LRRTM4: variants seen among roughly 807,000 people sequenced by gnomAD.
LRRTM4 encodes leucine-rich repeat transmembrane neuronal protein 4.
A neutral mutation model predicts 47.6 loss-of-function variants in LRRTM4; 25 were observed. The observed-to-expected ratio is 0.53, with a 90% CI of 0.38 to 0.73. LRRTM4 has a LOEUF of 0.73. LRRTM4 is among the 30% of genes least tolerant of loss of function. The probability of loss-of-function intolerance (pLI) is 0.00; values close to 1 mark genes in which losing one functional copy is unlikely to be tolerated. For missense variants in LRRTM4, 638 were observed against 713.4 expected (o/e 0.89, Z 1.20); for synonymous variants, 311 against 269.5 (o/e 1.15, Z -1.51).
intron 3 of LRRTM4, among the ~76,000 whole-genome samples, chr2:77,162,160 C>T (rs184612911): frequency 5.5e-4 from 84 of 152,292 alleles, no homozygotes; most frequent in Middle Eastern, 3.4e-3. Context: ...CAAATGGCAC[C>T]CCAGGAGATT....
chr2:77,167,216 G>A (rs966211517), intron 3 of LRRTM4, among the ~76,000 whole-genome samples: 8 of 152,112 alleles, frequency 5.3e-5, no homozygotes, highest in South Asian at 2.1e-4. Flanking sequence ...CATCATCACC[G>A]GCCATCAGAC....
intron 3 of LRRTM4, among the ~76,000 whole-genome samples, chr2:77,003,666 T>C (rs888083578): frequency 2.6e-5 from 4 of 152,206 alleles, no homozygotes; most frequent in Admixed American, 1.3e-4. Flanking sequence ...GTCTCAGGTA[T>C]GTCTTTATTA....
rs182276077 is a variant in LRRTM4, at chr2:77,460,878, G to C, written c.1551+57440C>G. On this transcript the variant is annotated intron_variant, in intron 3 of 3. Coordinates refer to ENST00000409884, the MANE Select transcript of LRRTM4 (RefSeq NM_001134745.3). ...AAGGCAGGTGCATGTCAGTCATCTG[G>C]TGTGACACTGGGAATTGCAAGCCAT... Among the ~76,000 whole-genome samples, 193 of 152,154 alleles carry C rather than the reference G, an allele frequency of 1.3e-3. 1 individual carries two copies. In the Middle Eastern group the frequency reaches 0.014, roughly 11 times the overall value.
chr2:76,985,260 T>C (rs1484251228), intron 3 of LRRTM4, among the ~76,000 whole-genome samples: 1 of 152,036 alleles, frequency 6.6e-6, no homozygotes, highest in Non-Finnish European at 1.5e-5. Context: ...GTAAAAGTTG[T>C]TTATATTTAA....
At chr2:77,115,374 G>A (rs768032384) in intron 3 of LRRTM4, among the ~76,000 whole-genome samples, 9 of 152,138 alleles carry the variant, frequency 5.9e-5, no homozygotes, top group East Asian at 3.9e-4. Flanking sequence ...CATATTGTTC[G>A]AACACACATG....
chr2:77,247,246 T>C (rs1167290899), intron 3 of LRRTM4, among the ~76,000 whole-genome samples: 1 of 152,082 alleles, frequency 6.6e-6, no homozygotes, highest in Non-Finnish European at 1.5e-5. Context: ...AAGATATGAA[T>C]AACTATACAA....
chr2:76,905,145 G>C (rs1196451264), intron 3 of LRRTM4, among the ~76,000 whole-genome samples: 1 of 152,100 alleles, frequency 6.6e-6, no homozygotes, highest in Non-Finnish European at 1.5e-5. Context: ...ACTCCTCTGA[G>C]ACAAAACTTC....
chr2:76,792,332 C>T (rs562875805), intron 3 of LRRTM4, among the ~76,000 whole-genome samples: 2 of 151,990 alleles, frequency 1.3e-5, no homozygotes, highest in African/African-American at 4.8e-5. Context: ...TAAATACCAA[C>T]CCCCAGAGAC....
chr2:77,289,427 C>T lies in LRRTM4; in HGVS notation c.1551+228891G>A, dbSNP rs1300231028. 2.6e-5 allele frequency among the ~76,000 whole-genome samples: 4 copies of T among 152,066 alleles called. No homozygotes were observed. The South Asian group carries it at 8.3e-4, about 31-fold the overall frequency. On this transcript the variant is annotated intron_variant, in intron 3 of 3. Coordinates refer to ENST00000409884, the MANE Select transcript of LRRTM4 (RefSeq NM_001134745.3). ...CTTGAATTGAAACATCCATGCATGC[C>T]TTATATGCTGTACAATTACCAGAAT...
chr2:77,362,158 A>AAGGAAGGAAGGAAGGAAGGAAGG (rs1558707399), intron 3 of LRRTM4, among the ~76,000 whole-genome samples: 7 of 136,544 alleles, frequency 5.1e-5, no homozygotes, highest in African/African-American at 1.7e-4. Context: ...AGAAAGAAAG[A>AAGGAAGGAAGGAAGGAAGGAAGG]AAGAAAGAAA....
chr2:77,051,581 G>A (rs187973104), intron 3 of LRRTM4, among the ~76,000 whole-genome samples: 2 of 152,152 alleles, frequency 1.3e-5, no homozygotes, highest in Admixed American at 6.5e-5. Context: ...CTAGCCATGT[G>A]TGTGAGTGTG....
intron 3 of LRRTM4, among the ~76,000 whole-genome samples, chr2:76,991,768 C>T (rs72823158): frequency 0.029 from 4,394 of 151,728 alleles, 119 homozygotes; most frequent in East Asian, 0.082. Flanking sequence ...AGGAGGGCTC[C>T]TCCCTAAATC....
At position 77,069,599 on chromosome 2, in the gene LRRTM4, C is replaced by T. The variant is rs935568242; in HGVS notation, c.1552-320683G>A. Among the ~76,000 whole-genome samples the T allele has an allele frequency of 2.0e-5, 3 of 152,208 alleles. No homozygotes were observed. In the South Asian group the frequency reaches 6.2e-4, roughly 32 times the overall value. On this transcript the variant is annotated intron_variant, in intron 3 of 3. Transcript: ENST00000409884. The stretch of plus-strand genomic sequence containing the variant: ...GGTATATTCTGGTGTCCTATTACTT[C>T]GTGGGGGTAATGTTGGTAGCTTGTG...
At position 77,420,761 on chromosome 2, in the gene LRRTM4, T is replaced by G. The variant is rs1360111094; in HGVS notation, c.1551+97557A>C. On this transcript the variant is annotated intron_variant, in intron 3 of 3. Coordinates refer to ENST00000409884, the MANE Select transcript of LRRTM4 (RefSeq NM_001134745.3). ...AGTGCTCATTAGTCTTAAGGCCCTT[T>G]CAGTGGACAAAATGGGAATGTATAT... 6.8e-5 allele frequency among the ~76,000 whole-genome samples: 10 copies of G among 146,786 alleles called. No individual in the cohort carries two copies. The South Asian group carries it at 1.1e-3, about 16-fold the overall frequency.
intron 3 of LRRTM4, among the ~76,000 whole-genome samples, chr2:76,769,969 G>C (rs775624542): frequency 3.9e-4 from 59 of 152,078 alleles, no homozygotes; most frequent in Non-Finnish European, 7.8e-4. Flanking sequence ...CCCCATCCCA[G>C]ACCTACTCGA....
At chr2:77,307,368 G>A (rs923134471) in intron 3 of LRRTM4, among the ~76,000 whole-genome samples, 25 of 150,708 alleles carry the variant, frequency 1.7e-4, no homozygotes, top group African/African-American at 6.1e-4. Context: ...CATATTTCAG[G>A]AATTCACACA....
chr2:77,376,228 A>G (rs193095019), intron 3 of LRRTM4, among the ~76,000 whole-genome samples: 1 of 151,876 alleles, frequency 6.6e-6, no homozygotes, highest in East Asian at 1.9e-4. Context: ...TTATATTAGA[A>G]TAGTTTTGGA....
At chr2:77,121,417 G>A (rs1369022463) in intron 3 of LRRTM4, among the ~76,000 whole-genome samples, 2 of 151,590 alleles carry the variant, frequency 1.3e-5, no homozygotes, top group Non-Finnish European at 3.0e-5. Flanking sequence ...TCATTTTAAG[G>A]CAATAACAAA....
intron 3 of LRRTM4, among the ~76,000 whole-genome samples, chr2:77,264,579 C>T (rs1676002765): frequency 6.6e-6 from 1 of 151,924 alleles, no homozygotes; most frequent in South Asian, 2.1e-4. Context: ...AGAATTCAGG[C>T]AATATGTTAA....
Sources: allele counts gnomAD v4.1 joint callset (sites outside exome capture counted in the v4.1 genomes callset), GRCh38; gene constraint gnomAD v4.1.1; transcripts MANE v1.5; gene names NCBI Gene and HGNC (gene_info 2026-07-23, HGNC 2026-07-21).